The following RELN variants were observed in gnomAD, a reference collection of about 807,000 sequenced individuals.
RELN encodes reelin.
A neutral mutation model predicts 427.6 loss-of-function variants in RELN; 108 were observed. The ratio of observed to expected loss-of-function variants is 0.25; its 90% CI spans 0.22 to 0.30. The LOEUF is 0.30. RELN is among the 10% of genes least tolerant of loss of function. RELN has a pLI of 1.00. For synonymous variants in RELN, 1,524 were observed against 1,513.4 expected (o/e 1.01, Z -0.16); for missense variants, 3,715 against 4,302.8 (o/e 0.86, Z 3.82).
At chr7:103,624,196 C>A (rs1278966040) in intron 20 of RELN, among the ~76,000 whole-genome samples, 1 of 151,974 alleles carries the variant, frequency 6.6e-6, no homozygotes, top group Non-Finnish European at 1.5e-5. Context: ...TCATAAATAC[C>A]CCATGAAATA....
At chr7:103,807,591 C>G (rs1166568746) in intron 3 of RELN, among the ~76,000 whole-genome samples, 2 of 152,076 alleles carry the variant, frequency 1.3e-5, no homozygotes, top group African/African-American at 4.8e-5. Flanking sequence ...GATAGGTAGC[C>G]TGCCAATCTA....
intron 19 of RELN, 135 bp downstream of exon 19, chr7:103,635,290 C>A: frequency 1.1e-6 from 1 of 921,792 alleles, no homozygotes; most frequent in Non-Finnish European, 1.6e-6. Flanking sequence ...TAGTTTTTCA[C>A]TGCAAGACAC....
chr7:103,798,847 G>A (rs979353792), intron 3 of RELN, among the ~76,000 whole-genome samples: 1 of 152,176 alleles, frequency 6.6e-6, no homozygotes, highest in Non-Finnish European at 1.5e-5. Flanking sequence ...GTCACCCACA[G>A]CTAGAGCTTT....
chr7:103,722,321 C>T (rs76498966), intron 8 of RELN, among the ~76,000 whole-genome samples: 1,845 of 152,198 alleles, frequency 0.012, 38 homozygotes, highest in African/African-American at 0.04. Context: ...CTTTTGCTAA[C>T]GGCAGACCTT....
At chr7:103,622,957 T>C (rs1033224881) in intron 20 of RELN, among the ~76,000 whole-genome samples, 4 of 152,218 alleles carry the variant, frequency 2.6e-5, no homozygotes, top group Admixed American at 6.5e-5. Context: ...AATAGCTGAA[T>C]GTATAAATTA....
chr7:103,641,695 T>C (rs1469488624), intron 16 of RELN, among the ~76,000 whole-genome samples: 3 of 152,182 alleles, frequency 2.0e-5, no homozygotes, highest in African/African-American at 7.2e-5. Flanking sequence ...CTTAGCATGG[T>C]ACCCAGCACT....
At chr7:103,942,812 T>C (rs1217707938) in intron 1 of RELN, among the ~76,000 whole-genome samples, 1 of 151,968 alleles carries the variant, frequency 6.6e-6, no homozygotes, top group African/African-American at 2.4e-5. Flanking sequence ...CTCAGGAGGC[T>C]GAGGCAGGAG....
intron 2 of RELN, among the ~76,000 whole-genome samples, chr7:103,892,027 G>A (rs1205956481): frequency 6.6e-6 from 1 of 152,184 alleles, no homozygotes; most frequent in Non-Finnish European, 1.5e-5. Flanking sequence ...GTCCCATCTA[G>A]AACTGTATCT....
At chr7:103,502,943 C>T in intron 52 of RELN, 73 bp downstream of exon 52, 1 of 1,232,434 alleles carries the variant, frequency 8.1e-7, no homozygotes. Flanking sequence ...TAATTTCAGG[C>T]ATGACAACAG....
At chr7:103,981,232 T>C (rs1407451003) in intron 1 of RELN, among the ~76,000 whole-genome samples, 1 of 152,178 alleles carries the variant, frequency 6.6e-6, no homozygotes, top group Non-Finnish European at 1.5e-5. Flanking sequence ...AGGATTTACA[T>C]ATGGTGACAC....
chr7:103,742,149 C>T (rs551590335), intron 6 of RELN, among the ~76,000 whole-genome samples: 1 of 152,344 alleles, frequency 6.6e-6, no homozygotes, highest in Non-Finnish European at 1.5e-5. Flanking sequence ...GATACCCAGG[C>T]AAACAGGGTC....
chr7:103,826,507 T>C (rs1459663873), intron 3 of RELN, among the ~76,000 whole-genome samples: 1 of 152,216 alleles, frequency 6.6e-6, no homozygotes, highest in African/African-American at 2.4e-5. Context: ...TAGAGCTTAA[T>C]AATATGCTGC....
chr7:103,589,912 G>T (rs1286339671), intron 27 of RELN, 84 bp from the exon 28 acceptor site: 14 of 812,048 alleles, frequency 1.7e-5, no homozygotes, highest in Non-Finnish European at 3.0e-5. Context: ...CATCCAGGGT[G>T]CCTTCCAATG....
intron 3 of RELN, among the ~76,000 whole-genome samples, chr7:103,809,356 A>G (rs1202421088): frequency 2.0e-5 from 3 of 152,164 alleles, no homozygotes; most frequent in African/African-American, 4.8e-5. Context: ...AGAAAAAAAG[A>G]GAAAGATGTA....
In RELN at chr7:103,603,444, G is replaced by T; in HGVS notation, c.3193C>A (p.Leu1065Ile). The T allele has an allele frequency of 6.2e-7, 1 of 1,613,892 alleles. No individual in the cohort carries two copies. Among genetic ancestry groups the T allele is most frequent in the Non-Finnish European group, 8.5e-7 (1 of 1,179,844 alleles). ...QGTECHPEAA[L>I]PSTIMSDFEN... ...AAATCTGACATAATTGTGGACGGAA[G>T]GGCAGCTTCTGGGTGGCATTCAGTG... Residue 1065 changes from leucine (L) to isoleucine (I), a missense_variant, in exon 24 of 65, where the codon CTT becomes ATT. This residue lies in a region of RELN where 2,208 missense variants were observed against 2,361.7 expected (regional missense o/e 0.93). Coordinates refer to ENST00000428762, the MANE Select transcript of RELN (RefSeq NM_005045.4). The surrounding 1 kb of genome is among the most constrained non-coding windows in gnomAD (Gnocchi z 4.3).
intron 28 of RELN, among the ~76,000 whole-genome samples, chr7:103,579,053 C>T (rs941643204): frequency 3.3e-5 from 5 of 152,200 alleles, no homozygotes; most frequent in African/African-American, 1.2e-4. Context: ...AGGCACAGTG[C>T]TAACGCTAGT....
At chr7:103,740,668 G>T (rs1371277615) in intron 6 of RELN, among the ~76,000 whole-genome samples, 3 of 152,050 alleles carry the variant, frequency 2.0e-5, no homozygotes, top group Non-Finnish European at 2.9e-5. Flanking sequence ...GAATATTAAA[G>T]AATTATGTGA....
At chr7:103,754,847 C>G (rs1791094198) in intron 4 of RELN, among the ~76,000 whole-genome samples, 1 of 152,062 alleles carries the variant, frequency 6.6e-6, no homozygotes, top group East Asian at 1.9e-4. Flanking sequence ...TGGAAGAAGA[C>G]AAGCTAGCAA....
chr7:103,589,629 A>C lies in RELN; in HGVS notation c.4112T>G (p.Ile1371Ser), dbSNP rs1274251845. 7.4e-6 allele frequency: 12 copies of C among 1,613,808 alleles called. 1 individual carries two copies. The South Asian group carries it at 7.7e-5, about 10-fold the overall frequency. The stretch of plus-strand genomic sequence containing the variant: ...AAGAGACCTTGGAATAACAATGGTG[A>C]TTCTTGTCCATTCTTCAAAGTCCCC... Reference protein sequence around the residue: ...HTGDFEEWTRITIVIPRSLAS... With the variant: ...HTGDFEEWTRSTIVIPRSLAS... Residue 1371 changes from isoleucine to serine, a missense_variant, in exon 28 of 65, where the codon ATC becomes AGC. Ile to Ser is a moderately radical substitution (Grantham distance 142). Transcript: ENST00000428762.
Sources: allele counts gnomAD v4.1 joint callset (sites outside exome capture counted in the v4.1 genomes callset), GRCh38; gene constraint gnomAD v4.1.1; regional missense constraint gnomAD v4.1.1; non-coding constraint Gnocchi (gnomAD v3.1); transcripts MANE v1.5; gene names NCBI Gene and HGNC (gene_info 2026-07-23, HGNC 2026-07-21).